SIK3: variants seen among roughly 807,000 people sequenced by gnomAD.
SIK3 encodes the protein serine/threonine-protein kinase SIK3.
A neutral mutation model predicts 144.2 loss-of-function variants in SIK3; 28 were observed. The ratio of observed to expected loss-of-function variants is 0.19; its 90% confidence interval spans 0.14 to 0.27. SIK3 has a LOEUF of 0.27. Ranked by LOEUF, SIK3 falls within the 10% of genes least tolerant of loss-of-function variation. SIK3 has a pLI of 1.00. For synonymous variants in SIK3, 686 were observed against 676.3 expected, an observed-to-expected ratio of 1.01 and a Z score of -0.22; for missense variants, 1,319 against 1,776.0, an observed-to-expected ratio of 0.74 and a Z score of 4.62.
intron 1 of SIK3, among the ~76,000 whole-genome samples, chr11:116,958,320 T>C (rs1272756725): frequency 6.6e-6 from 1 of 152,220 alleles, no homozygotes; most frequent in African/African-American, 2.4e-5. Context: ...AAAGTAACTT[T>C]ATCTGAAGCT....
chr11:116,988,954 C>CA (rs1215695813), intron 1 of SIK3, among the ~76,000 whole-genome samples: 129 of 149,976 alleles, frequency 8.6e-4, no homozygotes, highest in African/African-American at 2.0e-3. Context: ...CAAAACAAAA[C>CA]AAAAAAAAAC....
intron 4 of SIK3, among the ~76,000 whole-genome samples, chr11:116,917,517 T>C (rs1485904292): frequency 6.6e-6 from 1 of 152,006 alleles, no homozygotes; most frequent in Non-Finnish European, 1.5e-5. Context: ...AGGACCAGCC[T>C]GAGCAGCAAA....
chr11:116,970,913 C>T (rs1458028096), intron 1 of SIK3, among the ~76,000 whole-genome samples: 2 of 152,196 alleles, frequency 1.3e-5, no homozygotes, highest in Non-Finnish European at 2.9e-5. Flanking sequence ...TCCCAAAGCA[C>T]TGGGGTTACA....
At chr11:117,005,759 G>A (rs1834882428) in intron 1 of SIK3, among the ~76,000 whole-genome samples, 1 of 152,154 alleles carries the variant, frequency 6.6e-6, no homozygotes, top group Admixed American at 6.6e-5. Context: ...GGACATAATA[G>A]TTATATAAGC....
At chr11:116,981,934 A>C (rs1291999663) in intron 1 of SIK3, among the ~76,000 whole-genome samples, 1 of 152,208 alleles carries the variant, frequency 6.6e-6, no homozygotes, top group Non-Finnish European at 1.5e-5. Context: ...CTTTCAACTA[A>C]GTTTTCAGTT....
At position 116,846,207 on chromosome 11, in the gene SIK3, G is replaced by A. The variant is rs546248942; in HGVS notation, c.*13+176C>T. On this transcript the variant is annotated intron_variant, in intron 24 of 24. Transcript: ENST00000445177. The surrounding 1 kb of genome is among the most constrained non-coding windows in gnomAD (Gnocchi z 4.1). ...CTGCACACCCCCACCCCTACCTCGC[G>A]CCCTAAAACTAGCAGCGTCGTTAAT... Among the ~76,000 whole-genome samples, 23 of 152,246 alleles carry A rather than the reference G, an allele frequency of 1.5e-4. No individual in the cohort carries two copies. The highest frequency in any genetic ancestry group is 2.6e-4 in the Admixed American group (4 of 15,286).
intron 1 of SIK3, among the ~76,000 whole-genome samples, chr11:116,979,549 A>G (rs1378045266): frequency 2.0e-5 from 3 of 152,198 alleles, no homozygotes; most frequent in Non-Finnish European, 4.4e-5. Context: ...TGGGTCCTCA[A>G]TAATTTTAAA....
intron 4 of SIK3, among the ~76,000 whole-genome samples, chr11:116,910,239 AG>A (rs1946267170): frequency 1.3e-5 from 2 of 152,124 alleles, no homozygotes; most frequent in African/African-American, 4.8e-5. Context: ...CTGTTAACGA[AG>A]AACACTAAAA....
At position 116,849,666 on chromosome 11, in the gene SIK3, C is replaced by T. The variant is rs1013611491; in HGVS notation, c.3656-383G>A. On this transcript the variant is annotated intron_variant, in intron 21 of 24. Transcript: ENST00000445177. This position sits in a 1 kb window ranked among gnomAD's most constrained non-coding sequence, Gnocchi z 4.2. ...GATGCATCTGTTCTGTGGCTGGCTG[C>T]GTCCTCTCTCCTCCCCCGGTGACCT... is the stretch of plus-strand genomic sequence containing the variant. 2.6e-5 allele frequency among the ~76,000 whole-genome samples: 4 copies of T among 152,088 alleles called. No homozygotes were observed. Among genetic ancestry groups the T allele is most frequent in the African/African-American group, 4.8e-5 (2 of 41,404 alleles).
intron 1 of SIK3, among the ~76,000 whole-genome samples, chr11:117,063,915 G>A (rs1953907241): frequency 6.6e-6 from 1 of 151,822 alleles, no homozygotes; most frequent in Admixed American, 6.6e-5. Flanking sequence ...AAACCTTGTT[G>A]GTAATGTTAA....
chr11:116,981,731 C>T (rs1950146186), intron 1 of SIK3, among the ~76,000 whole-genome samples: 1 of 152,176 alleles, frequency 6.6e-6, no homozygotes, highest in Non-Finnish European at 1.5e-5. Context: ...AGTGTGTTTT[C>T]GCCAGGCGTG....
At chr11:117,048,684 T>C (rs1342989447) in intron 1 of SIK3, among the ~76,000 whole-genome samples, 1 of 151,974 alleles carries the variant, frequency 6.6e-6, no homozygotes, top group East Asian at 1.9e-4. Context: ...ATTAATTCAT[T>C]ATTAAACCAA....
At chr11:116,999,467 C>T (rs1246330978) in intron 1 of SIK3, among the ~76,000 whole-genome samples, 10 of 152,188 alleles carry the variant, frequency 6.6e-5, no homozygotes, top group Admixed American at 6.5e-4. Context: ...ATTCTAACTG[C>T]CCACTATTGA....
intron 1 of SIK3, among the ~76,000 whole-genome samples, chr11:117,070,212 G>A (rs1221921578): frequency 6.6e-6 from 1 of 152,136 alleles, no homozygotes; most frequent in Non-Finnish European, 1.5e-5. Context: ...GAATCAGTAA[G>A]GTCATTTCCA....
chr11:116,961,086 A>G (rs1949332963), intron 1 of SIK3, among the ~76,000 whole-genome samples: 1 of 152,236 alleles, frequency 6.6e-6, no homozygotes, highest in Non-Finnish European at 1.5e-5. Context: ...TCCATTCAGG[A>G]AAGTCACAGT....
chr11:117,080,759 C>A (rs1260607142), intron 1 of SIK3, among the ~76,000 whole-genome samples: 1 of 151,926 alleles, frequency 6.6e-6, no homozygotes, highest in African/African-American at 2.4e-5. Flanking sequence ...ACCAGCCAAG[C>A]CAACATGGTG....
chr11:116,899,131 C>T (rs535832202), intron 4 of SIK3, among the ~76,000 whole-genome samples: 29 of 152,292 alleles, frequency 1.9e-4, no homozygotes, highest in African/African-American at 3.1e-4. Flanking sequence ...TTTAATCCAT[C>T]GTGAATTGAT....
intron 1 of SIK3, among the ~76,000 whole-genome samples, chr11:117,034,461 G>A (rs1214003241): frequency 6.6e-6 from 1 of 152,182 alleles, no homozygotes; most frequent in African/African-American, 2.4e-5. Context: ...AAAACACGAT[G>A]CACAATTGAA....
At position 116,858,094 on chromosome 11, in the gene SIK3, G is replaced by A. The variant is rs779389042; in HGVS notation, c.3371C>T (p.Ser1124Leu). Residue 1124 changes from serine (S) to leucine (L), a missense_variant, in exon 21 of 25, where the codon TCA (serine) becomes TTA (leucine). Physicochemically the swap from Ser to Leu is moderately radical, Grantham distance 145. Around this residue, in one of 8 missense-constraint regions of SIK3, gnomAD observed 646 missense variants for 763.7 expected, o/e 0.85. Transcript: ENST00000445177. This position sits in a 1 kb window ranked among gnomAD's most constrained non-coding sequence, Gnocchi z 5.4. The stretch of plus-strand genomic sequence containing the variant: ...AGCATACCCGTGGGGCGGGGTGGGT[G>A]AGGAAGCCTGTGAGACACATTCTTG... ...RAQECVSQAS[S>L]PTPPHGYAHQ... The A allele has an allele frequency of 7.4e-6, 12 of 1,614,138 alleles. No individual in the cohort carries two copies. The highest frequency in any genetic ancestry group is 8.5e-6 in the Non-Finnish European group (10 of 1,179,988).
Sources: allele counts gnomAD v4.1 joint callset (sites outside exome capture counted in the v4.1 genomes callset), GRCh38; gene constraint gnomAD v4.1.1; regional missense constraint gnomAD v4.1.1; non-coding constraint Gnocchi (gnomAD v3.1); transcripts MANE v1.5; gene names NCBI Gene and HGNC (gene_info 2026-07-23, HGNC 2026-07-21).